CELF5: variants seen among roughly 807,000 people sequenced by gnomAD.
CELF5 encodes the protein CUG-BP and ETR-3 like factor 5.
In CELF5, 6 loss-of-function variants were observed where a neutral mutation model predicts 54.9. The observed-to-expected ratio is 0.11, with a 90% CI of 0.06 to 0.22. The LOEUF (loss-of-function observed/expected upper bound fraction) is 0.22, where lower values mean the gene tolerates loss of function less well. Ranked by LOEUF, CELF5 falls within the 10% of genes least tolerant of loss-of-function variation. CELF5 has a pLI of 1.00. For synonymous variants in CELF5, 271 were observed against 290.9 expected, an observed-to-expected ratio of 0.93 and a Z score of 0.70; for missense variants, 401 against 678.6, an observed-to-expected ratio of 0.59 and a Z score of 4.54.
Position 3,248,876 on chromosome 19 carries a change from TCC to T in CELF5, c.260-2108_260-2107del, listed in dbSNP as rs2079605181. On this transcript the variant is annotated intron_variant, in intron 1 of 12. Coordinates refer to ENST00000292672, the MANE Select transcript of CELF5 (RefSeq NM_021938.4). ...TTTCTTCCTTCCTTCCTTCCTTCCT[TCC>T]TTCCTTCCTTCCTTCCTTCCTTCCT... Among the ~76,000 whole-genome samples the T allele has an allele frequency of 6.3e-5, 8 of 127,278 alleles. No homozygotes were observed. The Admixed American group carries it at 6.9e-4, about 11-fold the overall frequency. The allele number at this position is 127,278 out of a possible 152,430, so 83.5% of individuals were successfully genotyped here.
intron 10 of CELF5, 110 bp from the exon 11 acceptor site, chr19:3,290,121 C>A (rs2080318875): frequency 1.3e-6 from 1 of 795,928 alleles, no homozygotes; most frequent in Non-Finnish European, 2.0e-6. Flanking sequence ...AGGCACCCCT[C>A]TCCCGACAGC....
intron 8 of CELF5, among the ~76,000 whole-genome samples, chr19:3,283,225 T>C (rs752265248): frequency 6.6e-6 from 1 of 152,248 alleles, no homozygotes; most frequent in Non-Finnish European, 1.5e-5. Context: ...AGGTCCTTCC[T>C]TTCTCTATGC....
chr19:3,266,109 C>T (rs1033794223), intron 2 of CELF5, among the ~76,000 whole-genome samples: 1 of 152,148 alleles, frequency 6.6e-6, no homozygotes, highest in Admixed American at 6.6e-5. Flanking sequence ...CGCCCGACCC[C>T]CACTTTTAAT....
At chr19:3,237,109 G>T (rs8102805) in intron 1 of CELF5, among the ~76,000 whole-genome samples, 2 of 151,034 alleles carry the variant, frequency 1.3e-5, no homozygotes, top group East Asian at 3.9e-4. Context: ...TCAGGAGATC[G>T]AGACCATCCT....
chr19:3,264,650 T>C, intron 2 of CELF5, among the ~76,000 whole-genome samples: 1 of 151,668 alleles, frequency 6.6e-6, no homozygotes, highest in South Asian at 2.1e-4. Context: ...GCTCCTGACC[T>C]GGTGATCCAC....
chr19:3,257,785 T>TTTATTTATTTA (rs1568343177), intron 2 of CELF5, among the ~76,000 whole-genome samples: 14 of 80,618 alleles, frequency 1.7e-4, no homozygotes, highest in Admixed American at 3.5e-4. Context: ...CTCCATTTTT[T>TTTATTTATTTA]TTTATTTATT....
chr19:3,237,378 G>A (rs568756044), intron 1 of CELF5, among the ~76,000 whole-genome samples: 6 of 151,594 alleles, frequency 4.0e-5, no homozygotes, highest in Non-Finnish European at 7.4e-5. Context: ...GCAGCCGCCT[G>A]GGCTGCTTGT....
In CELF5 at chr19:3,226,910, G is replaced by A. The variant is rs1334948515; in HGVS notation, c.259+1912G>A. ...GCTGTCAACAGAGCAGGACCATGAC[G>A]CATCCCCAGTTCTTTTTTTACAGGT... is the stretch of plus-strand genomic sequence containing the variant. On this transcript the variant is annotated intron_variant, in intron 1 of 12. Coordinates refer to ENST00000292672, the MANE Select transcript of CELF5 (RefSeq NM_021938.4). Among the ~76,000 whole-genome samples the A allele has an allele frequency of 3.3e-5, 5 of 152,150 alleles. No individual in the cohort carries two copies. The South Asian group carries it at 6.2e-4, about 19-fold the overall frequency.
In CELF5 at chr19:3,285,053, C is replaced by T. The variant is rs1471146233; in HGVS notation, c.1102+89C>T. On this transcript the variant is annotated intron_variant, in intron 9 of 12. Coordinates refer to ENST00000292672, the MANE Select transcript of CELF5 (RefSeq NM_021938.4). ...CAGGGCCCGCCCCGGACGTGTCGTTCTTCTGTGCCTAGCCGCGCCTCCTAC... is the reference window on the plus strand; with the variant it reads ...CAGGGCCCGCCCCGGACGTGTCGTTTTTCTGTGCCTAGCCGCGCCTCCTAC... 1.9e-5 allele frequency: 19 copies of T among 1,015,674 alleles called. 1 individual carries two copies. Among genetic ancestry groups the T allele is most frequent in the Middle Eastern group, 3.1e-4 (1 of 3,244 alleles). 62.9% of individuals were successfully genotyped at this position (1,015,674 alleles called of 1,614,324 possible).
At chr19:3,265,454 C>A (rs1236802283) in intron 2 of CELF5, among the ~76,000 whole-genome samples, 1 of 152,128 alleles carries the variant, frequency 6.6e-6, no homozygotes, top group Admixed American at 6.5e-5. Flanking sequence ...GGCAGTGAGC[C>A]CCGAGCAGAA....
At chr19:3,255,372 CG>C (rs2079710010) in intron 2 of CELF5, among the ~76,000 whole-genome samples, 1 of 152,154 alleles carries the variant, frequency 6.6e-6, no homozygotes. Flanking sequence ...TTAGTAGAGT[CG>C]GGGTTTCACC....
chr19:3,278,629 G>A lies in CELF5; in HGVS notation c.603+519G>A, dbSNP rs573025943. Among the ~76,000 whole-genome samples, 4 of 152,044 alleles carry A rather than the reference G, an allele frequency of 2.6e-5. No individual in the cohort carries two copies. Among genetic ancestry groups the A allele is most frequent in the South Asian group, 2.1e-4 (1 of 4,798 alleles). ...GTGTGTGTGAGTATGCCTGGGCCAC[G>A]GGGGAGGAAGCACATGTGTGTGCAT... On this transcript the variant is annotated intron_variant, in intron 5 of 12. Transcript: ENST00000292672. The surrounding 1 kb of genome is among the most constrained non-coding windows in gnomAD (Gnocchi z 4.5).
In CELF5 at chr19:3,278,946, A is replaced by G. The variant is rs1256790898; in HGVS notation, c.603+836A>G. Among the ~76,000 whole-genome samples the G allele has an allele frequency of 6.6e-6, 1 of 152,162 alleles. No homozygotes were observed. Among genetic ancestry groups the G allele is most frequent in the African/African-American group, 2.4e-5 (1 of 41,430 alleles). On this transcript the variant is annotated intron_variant, in intron 5 of 12. Coordinates refer to ENST00000292672, the MANE Select transcript of CELF5 (RefSeq NM_021938.4). This position sits in a 1 kb window ranked among gnomAD's most constrained non-coding sequence, Gnocchi z 4.5. ...AGGAGCCATAGAAGATGGGGCCGCAATGCGAGGCTGAGAAGCCTGGACTTT... is the reference window on the plus strand; with the variant it reads ...AGGAGCCATAGAAGATGGGGCCGCAGTGCGAGGCTGAGAAGCCTGGACTTT...
In CELF5 at chr19:3,278,150, G is replaced by A. The variant is rs1380008704; in HGVS notation, c.603+40G>A. 4.1e-5 allele frequency: 24 copies of A among 586,890 alleles called. No homozygotes were observed. Among genetic ancestry groups the A allele is most frequent in the Admixed American group, 1.9e-4 (9 of 48,386 alleles). The allele number at this position is 586,890 out of a possible 1,614,324, so 36.4% of individuals were successfully genotyped here. ...CCCTTGGCCGTGGGGGTGGGGGTGG[G>A]AAAGGGGTGAGGGGGACAGGGATGA... On this transcript the variant is annotated intron_variant, in intron 5 of 12. Coordinates refer to ENST00000292672, the MANE Select transcript of CELF5 (RefSeq NM_021938.4). This position sits in a 1 kb window ranked among gnomAD's most constrained non-coding sequence, Gnocchi z 4.5.
chr19:3,261,079 C>T (rs1347485341), intron 2 of CELF5, among the ~76,000 whole-genome samples: 2 of 151,982 alleles, frequency 1.3e-5, no homozygotes, highest in Admixed American at 6.6e-5. Flanking sequence ...TCTACTTTTT[C>T]ATCAGTTTTA....
At position 3,284,885 on chromosome 19, in the gene CELF5, C is replaced by A; in HGVS notation, c.1040-17C>A. ...TCTGCTGCTCCCGCCCCACTCAGCC[C>A]CTCTGTCTGCCCGCAGCTCAGAGCC... On this transcript the variant is annotated splice_polypyrimidine_tract_variant and intron_variant, in intron 8 of 12. Coordinates refer to ENST00000292672, the MANE Select transcript of CELF5 (RefSeq NM_021938.4). 1 of 1,612,660 alleles carries A rather than the reference C, an allele frequency of 6.2e-7. No homozygotes were observed. Among genetic ancestry groups the A allele is most frequent in the East Asian group, 2.2e-5 (1 of 44,848 alleles).
intron 11 of CELF5, among the ~76,000 whole-genome samples, chr19:3,291,001 C>T (rs1485030715): frequency 6.6e-6 from 1 of 151,816 alleles, no homozygotes; most frequent in East Asian, 2.0e-4. Flanking sequence ...TGGCGTGTGC[C>T]TGTAGTCCCA....
intron 2 of CELF5, among the ~76,000 whole-genome samples, chr19:3,252,895 A>G (rs760245642): frequency 6.6e-6 from 1 of 151,978 alleles, no homozygotes; most frequent in African/African-American, 2.4e-5. Flanking sequence ...CTAGCAATCT[A>G]TAGAGAAGGT....
chr19:3,262,692 T>C (rs1038088153), intron 2 of CELF5, among the ~76,000 whole-genome samples: 1 of 152,132 alleles, frequency 6.6e-6, no homozygotes, highest in Non-Finnish European at 1.5e-5. Context: ...GGCTCACTCC[T>C]GTAATCCCAG....
Sources: allele counts gnomAD v4.1 joint callset (sites outside exome capture counted in the v4.1 genomes callset), GRCh38; gene constraint gnomAD v4.1.1; non-coding constraint Gnocchi (gnomAD v3.1); transcripts MANE v1.5; gene names NCBI Gene and HGNC (gene_info 2026-07-23, HGNC 2026-07-21).